The following ADAMTS17 variants were observed in gnomAD, a reference collection of about 807,000 sequenced individuals.
ADAMTS17 encodes A disintegrin and metalloproteinase with thrombospondin motifs 17.
In ADAMTS17, 113 loss-of-function variants were observed where a neutral mutation model predicts 141.5. That is an observed-to-expected ratio of 0.80 (90% CI 0.69 to 0.93). The LOEUF (loss-of-function observed/expected upper bound fraction) is 0.93, where lower values mean the gene tolerates loss of function less well. Ranked by LOEUF, ADAMTS17 falls within the 40% of genes least tolerant of loss-of-function variation. The pLI is 0.00. For missense variants in ADAMTS17, 1,659 were observed against 1,517.9 expected (o/e 1.09, Z -1.54); for synonymous variants, 768 against 630.6 (o/e 1.22, Z -3.27).
chr15:100,205,455 G>A (rs143303376), intron 7 of ADAMTS17, among the ~76,000 whole-genome samples: 16 of 152,254 alleles, frequency 1.1e-4, no homozygotes, highest in Non-Finnish European at 2.2e-4. Context: ...TGGAGATATC[G>A]TGCAGATTAC....
chr15:100,074,794 G>A lies in ADAMTS17; in HGVS notation c.2138-20740C>T, dbSNP rs568650951. 3.3e-5 allele frequency among the ~76,000 whole-genome samples: 5 copies of A among 152,058 alleles called. No homozygotes were observed. In the East Asian group the frequency reaches 5.8e-4, roughly 18 times the overall value. On this transcript the variant is annotated intron_variant, in intron 15 of 21. Coordinates refer to ENST00000268070, the MANE Select transcript of ADAMTS17 (RefSeq NM_139057.4). ...CTGTGTTGATTTTATATAGAGGCAC[G>A]ATTGGGAAATTTTTTCAATCATTCA...
chr15:100,011,283 AAGTAAAG>A, intron 18 of ADAMTS17, among the ~76,000 whole-genome samples: 1 of 126,166 alleles, frequency 7.9e-6, no homozygotes, highest in Non-Finnish European at 1.7e-5. Context: ...GAAGGGAGGG[AAGTAAAG>A]GAGGAGGGAG....
rs1050486883 is a variant in ADAMTS17 at position 100,116,646 on chromosome 15, T to G, written c.1888+201A>C. ...CTGCTGCCTGCTTCAACAGCTGCAG[T>G]TGGAACATCTCAGAGAGCTGGGTCA... is the stretch of plus-strand genomic sequence containing the variant. On this transcript the variant is annotated intron_variant, in intron 13 of 21. Coordinates refer to ENST00000268070, the MANE Select transcript of ADAMTS17 (RefSeq NM_139057.4). Among the ~76,000 whole-genome samples, 3 of 152,204 alleles carry G rather than the reference T, an allele frequency of 2.0e-5. No homozygotes were observed. In the East Asian group the frequency reaches 5.8e-4, roughly 29 times the overall value.
chr15:100,036,002 A>G (rs1469945866), intron 18 of ADAMTS17, among the ~76,000 whole-genome samples: 1 of 152,218 alleles, frequency 6.6e-6, no homozygotes, highest in Non-Finnish European at 1.5e-5. Context: ...ATGGGGAAAG[A>G]AAATCCTTGA....
At chr15:99,985,564 CAGAT>C (rs2060568958) in intron 20 of ADAMTS17, among the ~76,000 whole-genome samples, 1 of 152,202 alleles carries the variant, frequency 6.6e-6, no homozygotes, top group Admixed American at 6.5e-5. Flanking sequence ...AGAGAGCAGA[CAGAT>C]ACTTGACTTA....
intron 3 of ADAMTS17, among the ~76,000 whole-genome samples, chr15:100,296,176 T>G (rs1282261674): frequency 1.3e-5 from 2 of 152,048 alleles, no homozygotes; most frequent in African/African-American, 2.4e-5. Flanking sequence ...GGTTTTCAGG[T>G]GTCGTACCGA....
At chr15:100,029,132 A>C (rs1435282097) in intron 18 of ADAMTS17, among the ~76,000 whole-genome samples, 1 of 152,036 alleles carries the variant, frequency 6.6e-6, no homozygotes, top group Non-Finnish European at 1.5e-5. Context: ...CCTAGTCCTG[A>C]GTATGTCTCC....
At chr15:100,329,949 C>G (rs1003467529) in intron 3 of ADAMTS17, among the ~76,000 whole-genome samples, 1 of 152,212 alleles carries the variant, frequency 6.6e-6, no homozygotes, top group African/African-American at 2.4e-5. Context: ...CACCAGAATA[C>G]TAAACCAAGA....
intron 3 of ADAMTS17, among the ~76,000 whole-genome samples, chr15:100,297,398 C>T (rs957658257): frequency 1.3e-5 from 2 of 152,080 alleles, no homozygotes; most frequent in Non-Finnish European, 2.9e-5. Flanking sequence ...GAAGAGATTC[C>T]AGGGCACACT....
intron 18 of ADAMTS17, among the ~76,000 whole-genome samples, chr15:100,031,753 GACTT>G (rs1308027256): frequency 2.0e-5 from 3 of 152,316 alleles, no homozygotes; most frequent in South Asian, 2.1e-4. Flanking sequence ...CTGTTCAAAT[GACTT>G]ACTAAGACCT....
At position 100,221,274 on chromosome 15, in the gene ADAMTS17, T is replaced by C. The variant is rs140985235; in HGVS notation, c.1076-21851A>G. On this transcript the variant is annotated intron_variant, in intron 7 of 21. Coordinates refer to ENST00000268070, the MANE Select transcript of ADAMTS17 (RefSeq NM_139057.4). ...GCCCACTAAAGCTACGCCAATAAAC[T>C]TCACTTTTTTTTTTTTTAACAGTGA... Among the ~76,000 whole-genome samples the C allele has an allele frequency of 5.2e-3, 681 of 130,170 alleles. 2 individuals are homozygous for C. Among genetic ancestry groups the C allele is most frequent in the African/African-American group, 0.021 (621 of 29,762 alleles). 85.4% of individuals were successfully genotyped at this position (130,170 alleles called of 152,430 possible). A position where few individuals can be genotyped will look rare whatever the true frequency, so the allele number is the denominator to read the frequency against.
At chr15:100,078,742 C>G (rs1201092018) in intron 15 of ADAMTS17, among the ~76,000 whole-genome samples, 1 of 152,078 alleles carries the variant, frequency 6.6e-6, no homozygotes, top group African/African-American at 2.4e-5. Flanking sequence ...AACTGAAAAC[C>G]TGTGTTTCAA....
At chr15:100,095,155 GC>G (rs1168737270) in intron 15 of ADAMTS17, among the ~76,000 whole-genome samples, 1 of 152,196 alleles carries the variant, frequency 6.6e-6, no homozygotes, top group Non-Finnish European at 1.5e-5. Flanking sequence ...ACCTGCTCCT[GC>G]CTCTCCTTTC....
At chr15:100,258,587 T>C (rs1272155145) in intron 6 of ADAMTS17, among the ~76,000 whole-genome samples, 1 of 152,026 alleles carries the variant, frequency 6.6e-6, no homozygotes, top group Non-Finnish European at 1.5e-5. Context: ...AACACCCCCT[T>C]ATATAATCAG....
At chr15:100,312,285 G>C (rs2045430583) in intron 3 of ADAMTS17, among the ~76,000 whole-genome samples, 1 of 152,222 alleles carries the variant, frequency 6.6e-6, no homozygotes. Flanking sequence ...GAGTGACGCA[G>C]TGTGAAAAAG....
intron 7 of ADAMTS17, among the ~76,000 whole-genome samples, chr15:100,211,193 T>A (rs201841194): frequency 1.3e-5 from 2 of 150,436 alleles, no homozygotes; most frequent in African/African-American, 2.4e-5. Context: ...TCCCAGCTAC[T>A]TGGGAAGCTG....
At chr15:100,313,685 CACA>C (rs772850102) in intron 3 of ADAMTS17, among the ~76,000 whole-genome samples, 72 of 152,350 alleles carry the variant, frequency 4.7e-4, no homozygotes, top group Middle Eastern at 6.8e-3. Flanking sequence ...CTGAGCAGAA[CACA>C]ACATCACTGC....
chr15:100,227,042 C>T (rs570061333), intron 7 of ADAMTS17, among the ~76,000 whole-genome samples: 62 of 152,300 alleles, frequency 4.1e-4, no homozygotes, highest in Admixed American at 6.5e-4. Context: ...GCTGTTCCCA[C>T]CTGGGCCTCT....
intron 8 of ADAMTS17, among the ~76,000 whole-genome samples, chr15:100,176,005 G>T (rs183225331): frequency 3.9e-4 from 60 of 152,284 alleles, no homozygotes; most frequent in Non-Finnish European, 6.8e-4. Context: ...CCTAGACCAT[G>T]GCCTGCCCCG....
Sources: allele counts gnomAD v4.1 joint callset (sites outside exome capture counted in the v4.1 genomes callset), GRCh38; gene constraint gnomAD v4.1.1; transcripts MANE v1.5; gene names NCBI Gene and HGNC (gene_info 2026-07-23, HGNC 2026-07-21).